The following MYO3A variants were observed in gnomAD, a reference collection of about 807,000 sequenced individuals.
The protein encoded by MYO3A is myosin IIIA, also known as myosin-IIIa.
Under a neutral mutation model 192.7 loss-of-function variants are expected in MYO3A, and 180 were observed. That is an observed-to-expected ratio of 0.93 (90% CI 0.83 to 1.06). The LOEUF is 1.06. Ranked by LOEUF, MYO3A falls within the 50% of genes least tolerant of loss-of-function variation. The pLI is 0.00. For synonymous variants in MYO3A, 628 were observed against 645.3 expected (o/e 0.97, Z 0.41); for missense variants, 1,896 against 1,905.0 (o/e 1.00, Z 0.09).
intron 4 of MYO3A, among the ~76,000 whole-genome samples, chr10:25,981,958 T>C (rs1839355842): frequency 6.6e-6 from 1 of 152,198 alleles, no homozygotes; most frequent in Non-Finnish European, 1.5e-5. Context: ...GTGAGTCTGC[T>C]TGCTTTCTCA....
At chr10:26,197,375 T>G (rs912160410) in intron 32 of MYO3A, among the ~76,000 whole-genome samples, 4 of 152,164 alleles carry the variant, frequency 2.6e-5, no homozygotes, top group African/African-American at 9.7e-5. Context: ...GTTTCAAACT[T>G]TAAGACCAGA....
chr10:26,051,382 C>T (rs1386370115), intron 10 of MYO3A, among the ~76,000 whole-genome samples: 1 of 151,826 alleles, frequency 6.6e-6, no homozygotes, highest in Non-Finnish European at 1.5e-5. Context: ...CTATACACAT[C>T]AGTTGCATTA....
At chr10:26,131,841 A>C (rs972769607) in intron 20 of MYO3A, among the ~76,000 whole-genome samples, 1 of 152,192 alleles carries the variant, frequency 6.6e-6, no homozygotes, top group African/African-American at 2.4e-5. Flanking sequence ...CTATGTCCCC[A>C]CCCTGCAAAT....
chr10:26,034,477 T>G (rs1375907761), intron 10 of MYO3A, among the ~76,000 whole-genome samples: 1 of 152,180 alleles, frequency 6.6e-6, no homozygotes, highest in Admixed American at 6.5e-5. Flanking sequence ...AATGGCCCCA[T>G]AGATGAAGTA....
intron 10 of MYO3A, among the ~76,000 whole-genome samples, chr10:26,036,375 G>T (rs1402400649): frequency 6.6e-6 from 1 of 152,098 alleles, no homozygotes; most frequent in East Asian, 1.9e-4. Context: ...ATTGATATGG[G>T]TGTTGAAATC....
At chr10:25,935,196 A>G (rs554432844) in intron 1 of MYO3A, among the ~76,000 whole-genome samples, 6 of 152,186 alleles carry the variant, frequency 3.9e-5, no homozygotes, top group Non-Finnish European at 7.3e-5. Flanking sequence ...CAGACAAGAA[A>G]AGTATGATCA....
chr10:26,181,368 T>C (rs183181019), intron 31 of MYO3A, among the ~76,000 whole-genome samples: 82 of 152,304 alleles, frequency 5.4e-4, no homozygotes, highest in African/African-American at 1.9e-3. Flanking sequence ...CTGTGATAGA[T>C]TTGGATTACA....
intron 14 of MYO3A, among the ~76,000 whole-genome samples, chr10:26,075,675 ATATG>A (rs1157399305): frequency 4.8e-5 from 7 of 145,238 alleles, no homozygotes; most frequent in Non-Finnish European, 1.1e-4. Flanking sequence ...TATGATATAT[ATATG>A]TCTCTCTCAT....
chr10:25,991,658 A>C (rs1444913455), intron 4 of MYO3A, among the ~76,000 whole-genome samples: 2 of 152,204 alleles, frequency 1.3e-5, no homozygotes, highest in Non-Finnish European at 2.9e-5. Flanking sequence ...TCTAACATTT[A>C]AGTCTTTAAT....
chr10:25,987,707 T>C (rs1839741509), intron 4 of MYO3A, among the ~76,000 whole-genome samples: 1 of 152,014 alleles, frequency 6.6e-6, no homozygotes, highest in East Asian at 1.9e-4. Flanking sequence ...CAAAAAATAA[T>C]AGATGTTCGC....
At chr10:25,937,685 G>A (rs1245094628) in intron 2 of MYO3A, among the ~76,000 whole-genome samples, 1 of 151,960 alleles carries the variant, frequency 6.6e-6, no homozygotes, top group East Asian at 1.9e-4. Context: ...TTTGGTTCTA[G>A]CATTTATTTT....
At chr10:25,998,971 C>T (rs971595806) in intron 6 of MYO3A, among the ~76,000 whole-genome samples, 3 of 152,204 alleles carry the variant, frequency 2.0e-5, no homozygotes, top group Non-Finnish European at 4.4e-5. Context: ...GATCTCGGCT[C>T]ACTGCAAGCT....
intron 32 of MYO3A, among the ~76,000 whole-genome samples, chr10:26,195,949 T>C (rs1843387017): frequency 6.6e-6 from 1 of 152,074 alleles, no homozygotes; most frequent in African/African-American, 2.4e-5. Context: ...ATGCAATAAA[T>C]ATGTGTTGTA....
At chr10:26,192,167 T>C (rs891149775) in intron 31 of MYO3A, among the ~76,000 whole-genome samples, 2 of 152,240 alleles carry the variant, frequency 1.3e-5, no homozygotes, top group African/African-American at 4.8e-5. Context: ...AACATCCAAG[T>C]GTACAGATCA....
intron 7 of MYO3A, 49 bp from the exon 8 acceptor site, chr10:26,021,454 C>T: frequency 6.3e-7 from 1 of 1,591,486 alleles, no homozygotes; most frequent in Non-Finnish European, 8.6e-7. Flanking sequence ...TTATTACATG[C>T]TTGTTAAAGT....
intron 10 of MYO3A, among the ~76,000 whole-genome samples, chr10:26,049,709 T>C (rs1238942916): frequency 1.4e-5 from 2 of 141,508 alleles, no homozygotes; most frequent in Non-Finnish European, 3.0e-5. Context: ...GACGGAGTCT[T>C]GCTCTGTTAC....
Position 26,065,605 on chromosome 10 carries a change from A to ACAG in MYO3A, c.954-1370_954-1369insCAG, listed in dbSNP as rs59643061. Reference sequence around the variant, plus strand: ...ATCTCCAAAAAAAAAAAAAAAAAAAAAAAAAAAAGTATACATAATTCTTTT... The same window carrying ACAG: ...ATCTCCAAAAAAAAAAAAAAAAAAAACAGAAAAAAAAGTATACATAATTCTTTT... On this transcript the variant is annotated intron_variant, in intron 10 of 34. Transcript: ENST00000642920. Among the ~76,000 whole-genome samples the ACAG allele has an allele frequency of 5.9e-5, 7 of 118,726 alleles. 2 individuals are homozygous for ACAG. Among genetic ancestry groups the ACAG allele is most frequent in the African/African-American group, 9.0e-5 (3 of 33,344 alleles). The allele number at this position is 118,726 out of a possible 152,430, so 77.9% of individuals were successfully genotyped here.
intron 4 of MYO3A, among the ~76,000 whole-genome samples, chr10:25,964,051 GTTA>G (rs1334916365): frequency 9.2e-5 from 14 of 152,084 alleles, no homozygotes; most frequent in Admixed American, 8.5e-4. Flanking sequence ...CTTCTGGTAA[GTTA>G]TTTTCTCTGT....
chr10:26,212,041 G>T lies in MYO3A; in HGVS notation c.*78G>T. On this transcript the variant is annotated 3_prime_UTR_variant, in exon 35 of 35. Coordinates refer to ENST00000642920, the MANE Select transcript of MYO3A (RefSeq NM_017433.5). ...GCAGGGGCCAAGCAGGCACTCTGGG[G>T]CTGGCACCAGCAGGCACTGAAGCTG... The T allele has an allele frequency of 6.5e-7, 1 of 1,547,144 alleles. No homozygotes were observed. The highest frequency in any genetic ancestry group is 8.8e-7 in the Non-Finnish European group (1 of 1,142,786).
Sources: allele counts gnomAD v4.1 joint callset (sites outside exome capture counted in the v4.1 genomes callset), GRCh38; gene constraint gnomAD v4.1.1; transcripts MANE v1.5; gene names NCBI Gene and HGNC (gene_info 2026-07-23, HGNC 2026-07-21).